The following ENOX1 variants were observed in gnomAD, a reference collection of about 807,000 sequenced individuals.
ENOX1 encodes candidate growth-related and time keeping constitutive hydroquinone (NADH) oxidase.
A neutral mutation model predicts 82.5 loss-of-function variants in ENOX1; 42 were observed. That is an observed-to-expected ratio of 0.51 (90% confidence interval 0.40 to 0.66). The LOEUF is 0.66. Among genes scored for constraint, ENOX1 ranks in the 30% least tolerant of loss-of-function variants. The pLI is 0.00. For synonymous variants in ENOX1, 271 were observed against 282.2 expected (o/e 0.96, Z 0.40); for missense variants, 608 against 811.6 (o/e 0.75, Z 3.05).
chr13:43,524,448 C>G (rs2077904586), intron 2 of ENOX1, among the ~76,000 whole-genome samples: 1 of 152,074 alleles, frequency 6.6e-6, no homozygotes, highest in Non-Finnish European at 1.5e-5. Context: ...TTACTTCTCT[C>G]AAATCCCCAT....
chr13:43,760,914 T>C (rs1669503023), intron 1 of ENOX1, among the ~76,000 whole-genome samples: 1 of 149,648 alleles, frequency 6.7e-6, no homozygotes, highest in African/African-American at 2.5e-5. Context: ...TGCCTGGCAA[T>C]GAGCATTATG....
At chr13:43,245,134 A>G (rs1286497309) in intron 14 of ENOX1, among the ~76,000 whole-genome samples, 1 of 152,204 alleles carries the variant, frequency 6.6e-6, no homozygotes, top group Non-Finnish European at 1.5e-5. Context: ...TGGCTGATAA[A>G]TGAAAGAATG....
chr13:43,660,208 T>A (rs2153784812), intron 2 of ENOX1, among the ~76,000 whole-genome samples: 1 of 152,368 alleles, frequency 6.6e-6, no homozygotes, highest in South Asian at 2.1e-4. Flanking sequence ...GTCTGCTAAG[T>A]AAGTTAGCAG....
intron 2 of ENOX1, among the ~76,000 whole-genome samples, chr13:43,624,089 A>T (rs953508487): frequency 6.6e-6 from 1 of 152,098 alleles, no homozygotes; most frequent in Admixed American, 6.5e-5. Flanking sequence ...CTAGCATTTG[A>T]TGTTGTCAGT....
intron 2 of ENOX1, among the ~76,000 whole-genome samples, chr13:43,488,764 C>G (rs971669567): frequency 1.3e-5 from 2 of 152,152 alleles, no homozygotes; most frequent in African/African-American, 4.8e-5. Flanking sequence ...TAAGCATGAA[C>G]AGTAAAGATT....
At chr13:43,393,553 AGATGGATGGATG>A (rs1253708317) in intron 5 of ENOX1, among the ~76,000 whole-genome samples, 1 of 152,012 alleles carries the variant, frequency 6.6e-6, no homozygotes, top group Non-Finnish European at 1.5e-5. Context: ...CAGATTAGAT[AGATGGATGGATG>A]GATGGACTAA....
intron 1 of ENOX1, among the ~76,000 whole-genome samples, chr13:43,671,510 C>A (rs1021062925): frequency 6.6e-6 from 1 of 152,124 alleles, no homozygotes; most frequent in Non-Finnish European, 1.5e-5. Flanking sequence ...ATTAGTCAAT[C>A]CCTCTATTTG....
chr13:43,662,745 T>C (rs558633239), intron 2 of ENOX1, among the ~76,000 whole-genome samples: 2 of 152,342 alleles, frequency 1.3e-5, no homozygotes, highest in South Asian at 2.1e-4. Flanking sequence ...TGTCTACTAT[T>C]AATAAATGCA....
chr13:43,348,336 G>T (rs2049534181), intron 8 of ENOX1, among the ~76,000 whole-genome samples: 1 of 152,118 alleles, frequency 6.6e-6, no homozygotes, highest in Admixed American at 6.5e-5. Context: ...GCTAATATGA[G>T]AATAAAATTT....
At chr13:43,350,586 C>T (rs1461887301) in intron 8 of ENOX1, among the ~76,000 whole-genome samples, 4 of 152,312 alleles carry the variant, frequency 2.6e-5, no homozygotes, top group Middle Eastern at 3.4e-3. Flanking sequence ...GCTGGGATTA[C>T]GGGCATGCGC....
At chr13:43,747,068 A>G (rs980918131) in intron 1 of ENOX1, among the ~76,000 whole-genome samples, 4 of 152,142 alleles carry the variant, frequency 2.6e-5, no homozygotes, top group Non-Finnish European at 4.4e-5. Flanking sequence ...GGTGACAAGT[A>G]TAAGTGGCAT....
At chr13:43,749,036 G>A (rs138622382) in intron 1 of ENOX1, among the ~76,000 whole-genome samples, 287 of 152,246 alleles carry the variant, frequency 1.9e-3, no homozygotes, top group South Asian at 0.011. Flanking sequence ...TGTTATGAAG[G>A]TCAAATTAGT....
At chr13:43,484,784 A>C (rs2076357222) in intron 2 of ENOX1, among the ~76,000 whole-genome samples, 1 of 152,246 alleles carries the variant, frequency 6.6e-6, no homozygotes, top group Non-Finnish European at 1.5e-5. Flanking sequence ...AATTTACTTT[A>C]GTTTTATATT....
At chr13:43,271,656 C>T (rs996471591) in intron 12 of ENOX1, among the ~76,000 whole-genome samples, 1 of 147,230 alleles carries the variant, frequency 6.8e-6, no homozygotes, top group African/African-American at 2.5e-5. Flanking sequence ...ACAACTCTTC[C>T]TTCTATTAAA....
chr13:43,611,091 T>C (rs2082181422), intron 2 of ENOX1, among the ~76,000 whole-genome samples: 1 of 152,192 alleles, frequency 6.6e-6, no homozygotes, highest in African/African-American at 2.4e-5. Context: ...CTATCCCACC[T>C]TGGGGGCCTT....
intron 15 of ENOX1, among the ~76,000 whole-genome samples, chr13:43,234,775 A>G (rs2042445623): frequency 6.6e-6 from 1 of 152,236 alleles, no homozygotes; most frequent in African/African-American, 2.4e-5. Context: ...TATAAAGCAC[A>G]TCATTTAAAA....
intron 15 of ENOX1, among the ~76,000 whole-genome samples, chr13:43,229,394 T>C (rs894241043): frequency 2.6e-5 from 4 of 152,142 alleles, no homozygotes; most frequent in Non-Finnish European, 4.4e-5. Context: ...GGGGAGACCA[T>C]TCCAGGTACA....
chr13:43,344,495 G>C (rs1249040345), intron 9 of ENOX1, 43 bp downstream of exon 9: 8 of 1,507,078 alleles, frequency 5.3e-6, no homozygotes, highest in Non-Finnish European at 7.3e-6. Context: ...AAAAGAAAAG[G>C]CAAAATCACA....
At chr13:43,357,381 A>G (rs912540720) in intron 7 of ENOX1, among the ~76,000 whole-genome samples, 1 of 152,154 alleles carries the variant, frequency 6.6e-6, no homozygotes, top group Non-Finnish European at 1.5e-5. Flanking sequence ...AAAAGTTACA[A>G]ATAAGATATT....
Sources: allele counts gnomAD v4.1 joint callset (sites outside exome capture counted in the v4.1 genomes callset), GRCh38; gene constraint gnomAD v4.1.1; transcripts MANE v1.5; gene names NCBI Gene and HGNC (gene_info 2026-07-23, HGNC 2026-07-21).